The following TSPEAR variants were observed in gnomAD, a reference collection of about 807,000 sequenced individuals.
TSPEAR encodes thrombospondin-type laminin G domain and EAR repeat-containing protein.
In TSPEAR, 69 loss-of-function variants were observed where a neutral mutation model predicts 71.6. The observed-to-expected ratio is 0.96, with a 90% CI of 0.79 to 1.18. The LOEUF (loss-of-function observed/expected upper bound fraction) is 1.18. TSPEAR is among the 50% of genes most tolerant of loss of function. The probability of loss-of-function intolerance (pLI) is 0.00; values close to 1 mark genes in which losing one functional copy is unlikely to be tolerated. For missense variants in TSPEAR, 971 were observed against 894.9 expected, an observed-to-expected ratio of 1.09 and a Z score of -1.09; for synonymous variants, 402 against 387.2, an observed-to-expected ratio of 1.04 and a Z score of -0.45.
chr21:44,656,628 C>T (rs59742230), intron 1 of TSPEAR, among the ~76,000 whole-genome samples: 8,545 of 152,120 alleles, frequency 0.056, 249 homozygotes, highest in Middle Eastern at 0.092. Flanking sequence ...ATTACTCTTA[C>T]TATTTGATGC....
In TSPEAR at chr21:44,678,117, C is replaced by T. The variant is rs114348801; in HGVS notation, c.82+33316G>A. On this transcript the variant is annotated intron_variant, in intron 1 of 11. Coordinates refer to ENST00000323084, the MANE Select transcript of TSPEAR (RefSeq NM_144991.3). ...GAGCGGACGGTGCTGCTGGTGGATG[C>T]GGGAGCTGCCATGGCGGCACGAGTA... The T allele has an allele frequency of 4.4e-4, 266 of 610,446 alleles. 1 individual carries two copies. The highest frequency in any genetic ancestry group is 6.0e-4 in the Non-Finnish European group (203 of 335,664). 37.8% of individuals were successfully genotyped at this position (610,446 alleles called of 1,614,324 possible).
At chr21:44,707,599 G>A (rs1988000441) in intron 1 of TSPEAR, among the ~76,000 whole-genome samples, 1 of 152,100 alleles carries the variant, frequency 6.6e-6, no homozygotes, top group African/African-American at 2.4e-5. Flanking sequence ...CGGAGCGGGG[G>A]AAAAGCCCTG....
intron 6 of TSPEAR, among the ~76,000 whole-genome samples, chr21:44,528,129 A>C (rs1352194848): frequency 2.0e-5 from 3 of 152,130 alleles, no homozygotes; most frequent in Non-Finnish European, 4.4e-5. Context: ...CCCGTGTGTC[A>C]TGCCCTGGAG....
At position 44,678,138 on chromosome 21, in the gene TSPEAR, G is replaced by A. The variant is rs146310722; in HGVS notation, c.82+33295C>T. The A allele has an allele frequency of 2.1e-3, 1,221 of 587,382 alleles. 4 individuals carry two copies. The highest frequency in any genetic ancestry group is 2.5e-3 in the South Asian group (132 of 53,524). The allele number at this position is 587,382 out of a possible 1,614,324, so 36.4% of individuals were successfully genotyped here. A position where few individuals can be genotyped will look rare whatever the true frequency, so the allele number is the denominator to read the frequency against. The stretch of plus-strand genomic sequence containing the variant: ...GATGCGGGAGCTGCCATGGCGGCAC[G>A]AGTAAGTGGAGGCATGTGTACATAT... On this transcript the variant is annotated intron_variant, in intron 1 of 11. Transcript: ENST00000323084.
intron 1 of TSPEAR, among the ~76,000 whole-genome samples, chr21:44,604,897 T>C (rs1010340786): frequency 4.6e-5 from 7 of 152,266 alleles, no homozygotes; most frequent in African/African-American, 1.4e-4. Context: ...TATTGATTTA[T>C]ATATGTTGAA....
At chr21:44,600,088 G>A (rs1297089640) in intron 1 of TSPEAR, among the ~76,000 whole-genome samples, 1 of 152,164 alleles carries the variant, frequency 6.6e-6, no homozygotes, top group Non-Finnish European at 1.5e-5. Flanking sequence ...AAGCCCTTGG[G>A]GGGACTTTAT....
intron 9 of TSPEAR, chr21:44,517,781 T>G: frequency 2.1e-6 from 1 of 471,216 alleles, no homozygotes; most frequent in Non-Finnish European, 4.4e-6. Flanking sequence ...CCTCCTGATA[T>G]CCAGGGCTGC....
chr21:44,512,914 C>T lies in TSPEAR; in HGVS notation c.1567-3528G>A, dbSNP rs142346937. On this transcript the variant is annotated intron_variant, in intron 9 of 11. Coordinates refer to ENST00000323084, the MANE Select transcript of TSPEAR (RefSeq NM_144991.3). ...GCAGGGCCAGACAGGCCTGGGGGGC[C>T]GGGGGCGGCTCAGAGGCTGCTCAAG... Among the ~76,000 whole-genome samples, 67 of 152,184 alleles carry T rather than the reference C, an allele frequency of 4.4e-4. No homozygotes were observed. In the East Asian group the frequency reaches 0.011, roughly 25 times the overall value.
rs587623883 is a variant in TSPEAR at position 44,647,264 on chromosome 21, G to C, written c.82+64169C>G. On this transcript the variant is annotated intron_variant, in intron 1 of 11. Coordinates refer to ENST00000323084, the MANE Select transcript of TSPEAR (RefSeq NM_144991.3). ...TCCTCCTGCCAGTCCAGCTGCTGCC[G>C]CCCGGCCTCCTGCGTGTCCCTCCTC... The C allele has an allele frequency of 4.1e-5, 66 of 1,602,058 alleles. No individual in the cohort carries two copies. Among genetic ancestry groups the C allele is most frequent in the Non-Finnish European group, 4.7e-5 (55 of 1,173,224 alleles).
intron 1 of TSPEAR, among the ~76,000 whole-genome samples, chr21:44,684,917 T>C (rs2876985): frequency 0.65 from 98,183 of 152,082 alleles, 31,867 homozygotes; most frequent in South Asian, 0.72. Context: ...CCCAATTCTC[T>C]TGGTTTTTAA....
At chr21:44,584,586 GGATT>G (rs1318020684) in intron 1 of TSPEAR, among the ~76,000 whole-genome samples, 2 of 152,026 alleles carry the variant, frequency 1.3e-5, no homozygotes, top group Non-Finnish European at 2.9e-5. Flanking sequence ...TTTTTAAATG[GGATT>G]GATTTACAGT....
intron 2 of TSPEAR, among the ~76,000 whole-genome samples, chr21:44,555,415 C>T (rs587651542): frequency 1.1e-4 from 16 of 152,174 alleles, no homozygotes; most frequent in Admixed American, 3.3e-4. Flanking sequence ...TGGGGACTCC[C>T]GCACTAGCAG....
At chr21:44,590,033 C>T (rs912469000) in intron 1 of TSPEAR, among the ~76,000 whole-genome samples, 2 of 152,242 alleles carry the variant, frequency 1.3e-5, no homozygotes, top group Admixed American at 6.5e-5. Context: ...GTTTGGCCTC[C>T]GGCCCTGGGG....
chr21:44,512,908 G>A (rs1312411467), intron 9 of TSPEAR, among the ~76,000 whole-genome samples: 6 of 152,120 alleles, frequency 3.9e-5, no homozygotes, highest in Admixed American at 2.0e-4. Flanking sequence ...GACAGGCCTG[G>A]GGGGCCGGGG....
chr21:44,709,595 A>G (rs1988113637), intron 1 of TSPEAR, among the ~76,000 whole-genome samples: 1 of 152,340 alleles, frequency 6.6e-6, no homozygotes, highest in Non-Finnish European at 1.5e-5. Flanking sequence ...ACCGCCTGTG[A>G]CCTGCGGGTC....
intron 1 of TSPEAR, among the ~76,000 whole-genome samples, chr21:44,691,738 G>C (rs1987131719): frequency 6.6e-6 from 1 of 152,086 alleles, no homozygotes; most frequent in Non-Finnish European, 1.5e-5. Flanking sequence ...GATATGTATA[G>C]ACACTCCACC....
At chr21:44,660,033 T>C (rs1426242309) in intron 1 of TSPEAR, among the ~76,000 whole-genome samples, 1 of 152,112 alleles carries the variant, frequency 6.6e-6, no homozygotes, top group Non-Finnish European at 1.5e-5. Flanking sequence ...TACAACCAGG[T>C]GTGGAAGCTT....
chr21:44,572,363 C>G (rs2053814461), intron 1 of TSPEAR, among the ~76,000 whole-genome samples: 1 of 152,282 alleles, frequency 6.6e-6, no homozygotes, highest in South Asian at 2.1e-4. Flanking sequence ...GCTGCTTTCT[C>G]AGAGCTGGGA....
At chr21:44,508,497 A>G (rs116541474) in intron 10 of TSPEAR, 11 of 1,033,484 alleles carry the variant, frequency 1.1e-5, no homozygotes, top group Non-Finnish European at 1.2e-5. Flanking sequence ...TGGCTCTGGG[A>G]TCTGGGTAAT....
Sources: gnomAD v4.1 joint callset for allele counts (sites outside exome capture counted in the v4.1 genomes callset) on GRCh38, gnomAD v4.1.1 for gene constraint, MANE v1.5 for transcripts, NCBI Gene and HGNC (gene_info 2026-07-23, HGNC 2026-07-21) for gene names.